TRPV1: variants seen among roughly 807,000 people sequenced by gnomAD.
The protein encoded by TRPV1 is transient receptor potential cation channel subfamily V member 1.
Under a neutral mutation model 82.3 loss-of-function variants are expected in TRPV1, and 82 were observed. The observed-to-expected ratio is 1.00, with a 90% confidence interval of 0.83 to 1.20. The LOEUF (loss-of-function observed/expected upper bound fraction) is 1.20, where lower values mean the gene tolerates loss of function less well. TRPV1 is among the 50% of genes most tolerant of loss of function. TRPV1 has a pLI of 0.00. For missense variants in TRPV1, 1,067 were observed against 1,096.8 expected, an observed-to-expected ratio of 0.97 and a Z score of 0.38; for synonymous variants, 515 against 467.7, an observed-to-expected ratio of 1.10 and a Z score of -1.30.
chr17:3,590,294 C>A lies in TRPV1; in HGVS notation c.703G>T (p.Asp235Tyr), dbSNP rs767075520. The part of the protein sequence containing the change: ...GADVQAAAHG[D>Y]FFKKTKGRPG... ...CGCCCTTTGGTTTTCTTAAAGAAGT[C>A]CCCATGGGCCGCAGCCTGGACGTCT... Residue 235 changes from aspartate (D) to tyrosine (Y), a missense_variant, in exon 6 of 17, where the codon GAC (aspartate) becomes TAC (tyrosine). Transcript: ENST00000572705. 6.2e-7 allele frequency: 1 copy of A among 1,614,010 alleles called. No homozygotes were observed. The highest frequency in any genetic ancestry group is 1.1e-5 in the South Asian group (1 of 91,082).
intron 13 of TRPV1, among the ~76,000 whole-genome samples, 155 bp from the exon 14 acceptor site, chr17:3,574,110 G>A (rs2074898310): frequency 2.0e-5 from 3 of 152,092 alleles, no homozygotes; most frequent in Admixed American, 2.0e-4. Flanking sequence ...AATTTTCATA[G>A]TATATTTTTA....
chr17:3,574,914 T>C (rs1224380936), intron 13 of TRPV1, among the ~76,000 whole-genome samples: 7 of 76,714 alleles, frequency 9.1e-5, no homozygotes, highest in Non-Finnish European at 1.6e-4. Context: ...CGAGACTCTA[T>C]CTCAAAAAAA....
Position 3,565,490 on chromosome 17 carries a change from G to C in TRPV1, c.*1325C>G, listed in dbSNP as rs1197892509. 1 of 152,218 alleles carries C rather than the reference G, an allele frequency of 6.6e-6. No individual in the cohort carries two copies. The highest frequency in any genetic ancestry group is 2.4e-5 in the African/African-American group (1 of 41,450). 9.4% of individuals were successfully genotyped at this position (152,218 alleles called of 1,614,324 possible). ...TTATTTGAGGATGCCAGTATGGATG[G>C]AGTGGAAGCATGTGCCATTGCGGAG... On this transcript the variant is annotated 3_prime_UTR_variant, in exon 17 of 17. Transcript: ENST00000572705.
chr17:3,587,025 C>G (rs995057547), intron 8 of TRPV1, among the ~76,000 whole-genome samples: 8 of 152,176 alleles, frequency 5.3e-5, no homozygotes, highest in African/African-American at 2.4e-5. Flanking sequence ...CTACTTTCCA[C>G]TAGTGGTCCT....
chr17:3,566,814 C>G lies in TRPV1; in HGVS notation c.*1G>C. On this transcript the variant is annotated 3_prime_UTR_variant, in exon 17 of 17. Transcript: ENST00000572705. ...TTGACAGTGCTGTCTGCGTGACGTC[C>G]TCACTTCTCCCCGGAAGCGGCAGGA... 6.2e-7 allele frequency: 1 copy of G among 1,613,472 alleles called. No homozygotes were observed. The highest frequency in any genetic ancestry group is 8.5e-7 in the Non-Finnish European group (1 of 1,179,706).
chr17:3,583,408 G>C lies in TRPV1; in HGVS notation c.1406C>G (p.Thr469Ser), dbSNP rs224534. 13 of 1,605,612 alleles carry C rather than the reference G, an allele frequency of 8.1e-6. No individual in the cohort carries two copies. In the East Asian group the frequency reaches 2.9e-4, roughly 36 times the overall value. ...TCCAGTAACTCGGAAATAGTCTCCA[G>C]TTTTTTCCATCTTAAAGGGAGGCTG... Reference protein sequence around the residue: ...DGLPPFKMEKTGDYFRVTGEI... With the variant: ...DGLPPFKMEKSGDYFRVTGEI... Residue 469 changes from threonine to serine, a missense_variant, in exon 10 of 17, where the codon ACT (threonine) becomes AGT (serine). Coordinates refer to ENST00000572705, the MANE Select transcript of TRPV1 (RefSeq NM_080704.4).
chr17:3,566,787 T>C lies in TRPV1; in HGVS notation c.*28A>G. On this transcript the variant is annotated 3_prime_UTR_variant, in exon 17 of 17. Transcript: ENST00000572705. ...GGCAACGGGGTCTCCTAAGGCCCAG[T>C]GTTGACAGTGCTGTCTGCGTGACGT... 7 of 1,609,504 alleles carry C rather than the reference T, an allele frequency of 4.3e-6. No individual in the cohort carries two copies. The highest frequency in any genetic ancestry group is 5.1e-6 in the Non-Finnish European group (6 of 1,177,714).
chr17:3,589,001 G>C lies in TRPV1; in HGVS notation c.1045-634C>G, dbSNP rs562699357. 8 of 1,526,726 alleles carry C rather than the reference G, an allele frequency of 5.2e-6. No individual in the cohort carries two copies. The African/African-American group carries it at 6.9e-5, about 13-fold the overall frequency. The allele number at this position is 1,526,726 out of a possible 1,614,324, so 94.6% of individuals were successfully genotyped here. A position where few individuals can be genotyped will look rare whatever the true frequency, so the allele number is the denominator to read the frequency against. On this transcript the variant is annotated intron_variant, in intron 7 of 16. Transcript: ENST00000572705. Reference sequence around the variant, plus strand: ...AAGAAAGAAAGAGAATGCAAGAAATGAGAGCCAGATGGGGTGGCTCATGCC... The same window carrying C: ...AAGAAAGAAAGAGAATGCAAGAAATCAGAGCCAGATGGGGTGGCTCATGCC...
At chr17:3,579,866 A>C (rs941970888) in intron 11 of TRPV1, among the ~76,000 whole-genome samples, 8 of 152,178 alleles carry the variant, frequency 5.3e-5, no homozygotes, top group Non-Finnish European at 1.2e-4. Context: ...ACCACCCCCC[A>C]AAACAAGTGA....
At chr17:3,588,632 A>C (rs2075113678) in intron 7 of TRPV1, among the ~76,000 whole-genome samples, 1 of 151,750 alleles carries the variant, frequency 6.6e-6, no homozygotes, top group Non-Finnish European at 1.5e-5. Flanking sequence ...AACATGGCAA[A>C]ATCCTGTTTT....
chr17:3,591,372 G>T lies in TRPV1; in HGVS notation c.285-19C>A, dbSNP rs757893656. ...CAGCAGCCTGTGGGCCAGAAAACAC[G>T]CTCGTCTCATACCCTGGCCTCCCCT... On this transcript the variant is annotated intron_variant, in intron 3 of 16. Coordinates refer to ENST00000572705, the MANE Select transcript of TRPV1 (RefSeq NM_080704.4). 1 of 1,553,300 alleles carries T rather than the reference G, an allele frequency of 6.4e-7. No homozygotes were observed. The highest frequency in any genetic ancestry group is 8.7e-7 in the Non-Finnish European group (1 of 1,152,994).
intron 3 of TRPV1, among the ~76,000 whole-genome samples, chr17:3,591,700 G>T (rs1288544613): frequency 6.6e-6 from 1 of 152,118 alleles, no homozygotes; most frequent in Non-Finnish European, 1.5e-5. Context: ...CCCCTCTAAG[G>T]GAAAAGGTGG....
intron 3 of TRPV1, among the ~76,000 whole-genome samples, chr17:3,591,654 G>T (rs1233692251): frequency 6.6e-6 from 1 of 152,174 alleles, no homozygotes; most frequent in Non-Finnish European, 1.5e-5. Context: ...GGAGCCTGGT[G>T]GGGACGGAGG....
chr17:3,600,719 C>T (rs188269783), intron 2 of TRPV1, among the ~76,000 whole-genome samples: 10 of 152,334 alleles, frequency 6.6e-5, no homozygotes, highest in African/African-American at 2.4e-4. Flanking sequence ...GTCTACAGGG[C>T]ACAGTGCCTG....
intron 11 of TRPV1, 45 bp from the exon 12 acceptor site, chr17:3,577,808 G>A (rs1352721352): frequency 1.3e-6 from 2 of 1,550,746 alleles, no homozygotes; most frequent in Non-Finnish European, 8.7e-7. Context: ...GAACCCAGGA[G>A]GCCTGGCACC....
In TRPV1 at chr17:3,566,853, C is replaced by T. The variant is rs758802661; in HGVS notation, c.2482G>A (p.Glu828Lys). 6.2e-7 allele frequency: 1 copy of T among 1,614,006 alleles called. No homozygotes were observed. Among genetic ancestry groups the T allele is most frequent in the Non-Finnish European group, 8.5e-7 (1 of 1,179,888 alleles). The change falls in exon 17 of 17, where the codon GAG (glutamate) becomes AAG (lysine). Residue 828 changes from glutamate (E) to lysine (K), a missense_variant. Physicochemically the swap from Glu to Lys is moderately conservative, Grantham distance 56. Transcript: ENST00000572705. The part of the protein sequence containing the change: ...FSGSLKPEDA[E>K]VFKSPAASGE... Reference sequence around the variant, plus strand: ...GAAGCGGCAGGACTCTTGAAGACCTCAGCGTCCTCTGGCTTCAGAGACCCT... The same window carrying T: ...GAAGCGGCAGGACTCTTGAAGACCTTAGCGTCCTCTGGCTTCAGAGACCCT...
chr17:3,591,107 G>A lies in TRPV1; in HGVS notation c.461C>T (p.Thr154Ile). 3 of 1,612,246 alleles carry A rather than the reference G, an allele frequency of 1.9e-6. No homozygotes were observed. The highest frequency in any genetic ancestry group is 2.5e-6 in the Non-Finnish European group (3 of 1,179,238). Residue 154 changes from threonine to isoleucine, a missense_variant, in exon 5 of 17, where the codon ACA becomes ATA. Thr to Ile is a moderately conservative substitution (Grantham distance 89). Coordinates refer to ENST00000572705, the MANE Select transcript of TRPV1 (RefSeq NM_080704.4). ...LTDNEFKDPE[T>I]GKTCLLKAML... Reference sequence around the variant, plus strand: ...GGCTTTCAGCAGACAGGTCTTCCCTGTCTCAGGGTCTGAAAGACATAAGGG... The same window carrying A: ...GGCTTTCAGCAGACAGGTCTTCCCTATCTCAGGGTCTGAAAGACATAAGGG...
At chr17:3,572,382 T>C in intron 14 of TRPV1, 133 bp from the exon 15 acceptor site, 2 of 1,113,840 alleles carry the variant, frequency 1.8e-6, no homozygotes, top group Non-Finnish European at 1.3e-6. Context: ...TCCAGTGCCC[T>C]CCACGCTAGC....
chr17:3,581,336 C>T (rs1028261982), intron 10 of TRPV1, among the ~76,000 whole-genome samples: 3 of 151,960 alleles, frequency 2.0e-5, no homozygotes, highest in Admixed American at 1.3e-4. Context: ...TGTAACAAGC[C>T]GCCACTGTCA....
Sources: gnomAD v4.1 joint callset for allele counts (sites outside exome capture counted in the v4.1 genomes callset) on GRCh38, gnomAD v4.1.1 for gene constraint, MANE v1.5 for transcripts, NCBI Gene and HGNC (gene_info 2026-07-23, HGNC 2026-07-21) for gene names.